NBAS: variants seen among roughly 807,000 people sequenced by gnomAD.
NBAS encodes NAG/BC035112 fusion.
A neutral mutation model predicts 302.5 loss-of-function variants in NBAS; 219 were observed. The ratio of observed to expected loss-of-function variants is 0.72; its 90% CI spans 0.65 to 0.81. The LOEUF (loss-of-function observed/expected upper bound fraction) is 0.81, where lower values mean the gene tolerates loss of function less well. Ranked by LOEUF, NBAS falls within the 30% of genes least tolerant of loss-of-function variation. The probability of loss-of-function intolerance (pLI) is 0.00; values close to 1 mark genes in which losing one functional copy is unlikely to be tolerated. For missense variants in NBAS, 2,932 were observed against 2,841.6 expected (o/e 1.03, Z -0.72); for synonymous variants, 1,118 against 1,021.6 (o/e 1.09, Z -1.80).
the NBAS span, among the ~76,000 whole-genome samples, chr2:14,877,789 C>T: frequency 6.6e-6 from 1 of 152,180 alleles, no homozygotes; most frequent in Non-Finnish European, 1.5e-5. Context: ...TGGACTTAAT[C>T]CTCAGCTTTT....
the NBAS span, among the ~76,000 whole-genome samples, chr2:15,089,633 C>T: frequency 2.6e-5 from 4 of 151,968 alleles, no homozygotes; most frequent in Non-Finnish European, 4.4e-5. Context: ...TCCCACCCAG[C>T]TCCAGAAATA....
In NBAS at chr2:15,277,770, G is replaced by A. The variant is rs1355699304; in HGVS notation, c.5139-669C>T. ...ATTTTAAAAAGTCACTTAAACTCTT[G>A]GGAAAAGAAAAAGTAAGGTATTTTT... On this transcript the variant is annotated intron_variant, in intron 42 of 51. Transcript: ENST00000281513. 2.0e-5 allele frequency among the ~76,000 whole-genome samples: 3 copies of A among 152,036 alleles called. No individual in the cohort carries two copies. In the South Asian group the frequency reaches 6.2e-4, roughly 32 times the overall value.
intron 40 of NBAS, among the ~76,000 whole-genome samples, chr2:15,301,101 T>C (rs1030935891): frequency 2.0e-5 from 3 of 152,144 alleles, no homozygotes; most frequent in Admixed American, 2.0e-4. Context: ...AATATCCTGC[T>C]GGGAATTACC....
chr2:15,064,040 G>A, the NBAS span, among the ~76,000 whole-genome samples: 1 of 152,082 alleles, frequency 6.6e-6, no homozygotes, highest in African/African-American at 2.4e-5. Context: ...CGTCTTGCTA[G>A]GCCCATTTAT....
chr2:15,501,068 G>A (rs1056090754), intron 11 of NBAS, among the ~76,000 whole-genome samples: 3 of 152,164 alleles, frequency 2.0e-5, no homozygotes, highest in African/African-American at 7.2e-5. Flanking sequence ...TCGGGAGGCC[G>A]AGGCCAGCAG....
chr2:15,481,219 A>G (rs944182263), intron 12 of NBAS, among the ~76,000 whole-genome samples: 4 of 152,192 alleles, frequency 2.6e-5, no homozygotes, highest in African/African-American at 9.6e-5. Flanking sequence ...TTGTTTCTCC[A>G]TATATCCGTT....
chr2:14,887,410 A>AAAAAAAAAAAAAGAAAAAG, the NBAS span, among the ~76,000 whole-genome samples: 1 of 150,564 alleles, frequency 6.6e-6, no homozygotes, highest in Non-Finnish European at 1.5e-5. Flanking sequence ...AAAAAAAAAA[A>AAAAAAAAAAAAAGAAAAAG]AAAAAGATAG....
rs201826938 is a variant in NBAS, at chr2:15,238,447, T to C, written c.5943+21A>G. 454 of 1,605,560 alleles carry C rather than the reference T, an allele frequency of 2.8e-4. 5 individuals carry two copies. In the South Asian group the frequency reaches 3.3e-3, roughly 12 times the overall value. On this transcript the variant is annotated intron_variant, in intron 45 of 51. Coordinates refer to ENST00000281513, the MANE Select transcript of NBAS (RefSeq NM_015909.4). ...AATATACTGATACAGAGTGAGCATA[T>C]AGAAGTTCCCATTTCTTTACCTGCT...
the NBAS span, among the ~76,000 whole-genome samples, chr2:14,785,688 T>A: frequency 2.0e-5 from 3 of 152,218 alleles, no homozygotes; most frequent in Non-Finnish European, 4.4e-5. Context: ...TCATGGTGGA[T>A]AAGCTTTTTG....
chr2:15,015,046 T>G, the NBAS span, among the ~76,000 whole-genome samples: 1 of 151,620 alleles, frequency 6.6e-6, no homozygotes, highest in Non-Finnish European at 1.5e-5. Context: ...AATGAATAAA[T>G]TTCTAAATAC....
the NBAS span, among the ~76,000 whole-genome samples, chr2:14,923,013 G>A: frequency 2.6e-5 from 4 of 152,206 alleles, no homozygotes; most frequent in East Asian, 1.9e-4. Context: ...TTAGCCGGGC[G>A]CCATGGCAGG....
At chr2:15,484,824 C>T (rs923527082) in intron 12 of NBAS, among the ~76,000 whole-genome samples, 1 of 152,144 alleles carries the variant, frequency 6.6e-6, no homozygotes, top group Non-Finnish European at 1.5e-5. Flanking sequence ...TCAATAAATA[C>T]TTGAACTTTA....
At chr2:14,988,397 G>A in the NBAS span, among the ~76,000 whole-genome samples, 7 of 152,264 alleles carry the variant, frequency 4.6e-5, no homozygotes, top group East Asian at 7.7e-4. Context: ...CCAGGACAAC[G>A]TATTATAAAT....
the NBAS span, among the ~76,000 whole-genome samples, chr2:14,842,592 C>T: frequency 6.6e-6 from 1 of 151,994 alleles, no homozygotes; most frequent in Admixed American, 6.5e-5. Flanking sequence ...AATTACTGGA[C>T]ATACACAATC....
chr2:15,415,692 C>T lies in NBAS; in HGVS notation c.2791G>A (p.Ala931Thr). ...AGAAAGGGAACCATCCACTGGTAGGCACTTGTCACATATTTATCCTCAGAA... is the reference window on the plus strand; with the variant it reads ...AGAAAGGGAACCATCCACTGGTAGGTACTTGTCACATATTTATCCTCAGAA... ...SCSEDKYVTSAYQWMVPFLHR... is the reference protein window; with the variant it reads ...SCSEDKYVTSTYQWMVPFLHR... The change falls in exon 25 of 52, where the codon GCC (alanine) becomes ACC (threonine). Residue 931 changes from alanine to threonine, a missense_variant. Ala to Thr is a moderately conservative substitution (Grantham distance 58). Transcript: ENST00000281513. 6.2e-7 allele frequency: 1 copy of T among 1,614,146 alleles called. No homozygotes were observed. Among genetic ancestry groups the T allele is most frequent in the Non-Finnish European group, 8.5e-7 (1 of 1,180,040 alleles).
At chr2:14,961,205 T>C in the NBAS span, among the ~76,000 whole-genome samples, 1 of 151,722 alleles carries the variant, frequency 6.6e-6, no homozygotes, top group Non-Finnish European at 1.5e-5. Flanking sequence ...CTTAGAGAAA[T>C]GGGAGTGAGA....
At chr2:15,318,533 A>T (rs1671629086) in intron 38 of NBAS, among the ~76,000 whole-genome samples, 1 of 152,180 alleles carries the variant, frequency 6.6e-6, no homozygotes. Context: ...ATAGCCTCAA[A>T]ATAAAGGGAT....
chr2:14,894,948 C>T, the NBAS span, among the ~76,000 whole-genome samples: 3 of 151,990 alleles, frequency 2.0e-5, no homozygotes, highest in Admixed American at 6.6e-5. Flanking sequence ...CCCAGGTACT[C>T]GGGAGGCTGA....
chr2:15,229,484 T>C (rs1667290107), intron 47 of NBAS, among the ~76,000 whole-genome samples: 1 of 145,692 alleles, frequency 6.9e-6, no homozygotes, highest in African/African-American at 2.5e-5. Context: ...CATAAAAAGA[T>C]AAAAGAGGAC....
Sources: gnomAD v4.1 joint callset for allele counts (sites outside exome capture counted in the v4.1 genomes callset) on GRCh38, gnomAD v4.1.1 for gene constraint, MANE v1.5 for transcripts, NCBI Gene and HGNC (gene_info 2026-07-23, HGNC 2026-07-21) for gene names.